The following CELF2 variants were observed in gnomAD, a reference collection of about 807,000 sequenced individuals.
CELF2 encodes the protein CUGBP Elav-like family member 2, also known as CUG triplet repeat RNA-binding protein 2.
In CELF2, 8 loss-of-function variants were observed where a neutral mutation model predicts 62.6. That is an observed-to-expected ratio of 0.13 (90% CI 0.07 to 0.23). The LOEUF (loss-of-function observed/expected upper bound fraction) is 0.23, where lower values mean the gene tolerates loss of function less well. CELF2 is among the 10% of genes least tolerant of loss of function. The pLI, the probability that CELF2 is intolerant of heterozygous loss-of-function variation, is 1.00. For missense variants in CELF2, 333 were observed against 671.0 expected, an observed-to-expected ratio of 0.50 and a Z score of 5.56; for synonymous variants, 258 against 250.0, an observed-to-expected ratio of 1.03 and a Z score of -0.30.
chr10:10,852,230 G>T (rs2059425203), intron 1 of CELF2, among the ~76,000 whole-genome samples: 3 of 152,182 alleles, frequency 2.0e-5, no homozygotes, highest in Non-Finnish European at 2.9e-5. Flanking sequence ...ACACCAATGT[G>T]ATACATCCAT....
the CELF2 span, among the ~76,000 whole-genome samples, chr10:10,499,306 T>C: frequency 6.6e-6 from 1 of 152,098 alleles, no homozygotes; most frequent in African/African-American, 2.4e-5. Flanking sequence ...CTTCAAGCGA[T>C]TCTCCTGTCT....
rs35434762 is a variant in CELF2 at position 11,124,365 on chromosome 10, CT to C, written c.75-41115del. Among the ~76,000 whole-genome samples, 4 of 152,084 alleles carry C rather than the reference CT, an allele frequency of 2.6e-5. No individual in the cohort carries two copies. The East Asian group carries it at 7.7e-4, about 29-fold the overall frequency. On this transcript the variant is annotated intron_variant, in intron 1 of 12. Coordinates refer to ENST00000633077, the MANE Select transcript of CELF2 (RefSeq NM_001326342.2). The stretch of plus-strand genomic sequence containing the variant: ...AGATGGGTTCCACCTGTTCATGAGC[CT>C]TTTTTGAGGAAAGGACAATATCACT...
intron 1 of CELF2, among the ~76,000 whole-genome samples, chr10:10,867,452 A>G (rs1259456926): frequency 1.3e-5 from 2 of 152,238 alleles, no homozygotes; most frequent in African/African-American, 4.8e-5. Context: ...AGATGCAAAC[A>G]CATCAACAGA....
In CELF2 at chr10:11,224,781, C is replaced by T. The variant is rs562376918; in HGVS notation, c.354+7274C>T. Reference sequence around the variant, plus strand: ...TCCAGGTGAAGTGCGCTCGTGAGTTCGGAGCCTGGAGCTTTAGGCCACACA... The same window carrying T: ...TCCAGGTGAAGTGCGCTCGTGAGTTTGGAGCCTGGAGCTTTAGGCCACACA... On this transcript the variant is annotated intron_variant, in intron 3 of 12. Coordinates refer to ENST00000633077, the MANE Select transcript of CELF2 (RefSeq NM_001326342.2). This position sits in a 1 kb window ranked among gnomAD's most constrained non-coding sequence, Gnocchi z 4.5. Among the ~76,000 whole-genome samples, 171 of 152,226 alleles carry T rather than the reference C, an allele frequency of 1.1e-3. 1 individual carries two copies. Among genetic ancestry groups the T allele is most frequent in the African/African-American group, 3.7e-3 (155 of 41,516 alleles).
chr10:10,846,184 C>T (rs1398407301), intron 1 of CELF2: 2 of 882,280 alleles, frequency 2.3e-6, no homozygotes, highest in Admixed American at 1.2e-4. Flanking sequence ...TCCTCCCCTT[C>T]TGCTAAGACT....
intron 9 of CELF2, among the ~76,000 whole-genome samples, chr10:11,294,355 T>A (rs4750041): frequency 0.99 from 151,327 of 152,312 alleles, 75,181 homozygotes; most frequent in Middle Eastern, 1. Context: ...GGTCCCATTT[T>A]GCTTTTTAGA....
chr10:11,047,790 T>A (rs12769506), intron 1 of CELF2, among the ~76,000 whole-genome samples: 1 of 152,038 alleles, frequency 6.6e-6, no homozygotes, highest in Non-Finnish European at 1.5e-5. Flanking sequence ...TTCTGGGATA[T>A]AGACATTTTC....
intron 1 of CELF2, among the ~76,000 whole-genome samples, chr10:11,093,412 A>G (rs1218496495): frequency 6.6e-6 from 1 of 152,194 alleles, no homozygotes; most frequent in Admixed American, 6.5e-5. Flanking sequence ...AAAAATTTTA[A>G]TTTATTTATG....
At position 10,972,905 on chromosome 10, in the gene CELF2, A is replaced by G. The variant is rs139762516; in HGVS notation, c.89+52906A>G. Among the ~76,000 whole-genome samples, 151 of 152,334 alleles carry G rather than the reference A, an allele frequency of 9.9e-4. 1 individual carries two copies. The highest frequency in any genetic ancestry group is 3.5e-3 in the African/African-American group (145 of 41,576). ...TCATCAGCACTACAACGAAGGCACAACAGGATGATCACATGATAGATGGAA... is the reference window on the plus strand; with the variant it reads ...TCATCAGCACTACAACGAAGGCACAGCAGGATGATCACATGATAGATGGAA... On this transcript the variant is annotated intron_variant, in intron 2 of 13. Transcript: ENST00000636488. The surrounding 1 kb of genome is among the most constrained non-coding windows in gnomAD (Gnocchi z 4.4).
chr10:11,177,479 G>C lies in CELF2; in HGVS notation c.271+11797G>C, dbSNP rs1362500174. ...AAAGGAGGATATGAACCAAAATGTT[G>C]GCATGAATTAAGAAAAATCAGTGAA... On this transcript the variant is annotated intron_variant, in intron 2 of 12. Transcript: ENST00000633077. The surrounding 1 kb of genome is among the most constrained non-coding windows in gnomAD (Gnocchi z 4.8). 6.6e-6 allele frequency among the ~76,000 whole-genome samples: 1 copy of C among 151,698 alleles called. No individual in the cohort carries two copies. Among genetic ancestry groups the C allele is most frequent in the Non-Finnish European group, 1.5e-5 (1 of 67,960 alleles).
intron 9 of CELF2, among the ~76,000 whole-genome samples, chr10:11,303,282 C>T (rs983144892): frequency 2.6e-5 from 4 of 152,154 alleles, no homozygotes; most frequent in South Asian, 2.1e-4. Context: ...TCTCTTTCAA[C>T]TCAACTTTCA....
chr10:10,495,859 T>G, the CELF2 span, among the ~76,000 whole-genome samples: 1 of 152,200 alleles, frequency 6.6e-6, no homozygotes, highest in Non-Finnish European at 1.5e-5. Flanking sequence ...TCACCCTATA[T>G]CCACCTGTAC....
chr10:11,127,910 C>T (rs2058991923), intron 1 of CELF2, among the ~76,000 whole-genome samples: 1 of 152,154 alleles, frequency 6.6e-6, no homozygotes, highest in East Asian at 1.9e-4. Context: ...TCAATTTTGG[C>T]TTCTGTTGCC....
chr10:11,255,808 A>C lies in CELF2; in HGVS notation c.404-1930A>C, dbSNP rs550608015. On this transcript the variant is annotated intron_variant, in intron 4 of 12. Transcript: ENST00000633077. The surrounding 1 kb of genome is among the most constrained non-coding windows in gnomAD (Gnocchi z 5.5). Reference sequence around the variant, plus strand: ...CATGGATGACAAAACAGAGGTCCTCAGAGGTCAGCCTATTCTCCAAAGACA... The same window carrying C: ...CATGGATGACAAAACAGAGGTCCTCCGAGGTCAGCCTATTCTCCAAAGACA... Among the ~76,000 whole-genome samples, 2 of 152,214 alleles carry C rather than the reference A, an allele frequency of 1.3e-5. No individual in the cohort carries two copies. Among genetic ancestry groups the C allele is most frequent in the African/African-American group, 2.4e-5 (1 of 41,454 alleles).
intron 2 of CELF2, among the ~76,000 whole-genome samples, chr10:11,203,098 A>T (rs1320535247): frequency 6.6e-6 from 1 of 152,104 alleles, no homozygotes; most frequent in Non-Finnish European, 1.5e-5. Flanking sequence ...CTGAAGGTTT[A>T]ATAGAATCAG....
chr10:10,852,063 G>A (rs2059414260), intron 1 of CELF2, among the ~76,000 whole-genome samples: 1 of 152,156 alleles, frequency 6.6e-6, no homozygotes, highest in Non-Finnish European at 1.5e-5. Context: ...AGTTAAATAG[G>A]TATCTATCAT....
At chr10:11,119,229 A>T (rs1238209181) in intron 1 of CELF2, among the ~76,000 whole-genome samples, 2 of 152,190 alleles carry the variant, frequency 1.3e-5, no homozygotes, top group African/African-American at 4.8e-5. Flanking sequence ...CATAAACTTG[A>T]GCATATTTAA....
At chr10:10,727,815 A>T in the CELF2 span, among the ~76,000 whole-genome samples, 6 of 151,802 alleles carry the variant, frequency 4.0e-5, no homozygotes, top group African/African-American at 1.5e-4. Flanking sequence ...AAGAAAACAG[A>T]GTGTCATCTT....
intron 1 of CELF2, among the ~76,000 whole-genome samples, chr10:11,119,613 A>T (rs565049969): frequency 1.1e-4 from 16 of 152,356 alleles, no homozygotes; most frequent in Admixed American, 2.6e-4. Context: ...ACTATTTTTA[A>T]TATTTAAACT....
Sources: allele counts gnomAD v4.1 joint callset (sites outside exome capture counted in the v4.1 genomes callset), GRCh38; gene constraint gnomAD v4.1.1; non-coding constraint Gnocchi (gnomAD v3.1); transcripts MANE v1.5; gene names NCBI Gene and HGNC (gene_info 2026-07-23, HGNC 2026-07-21).